Variants in RPH3A observed in about 807,000 individuals in gnomAD.
RPH3A encodes rabphilin-3A.
A neutral mutation model predicts 102.2 loss-of-function variants in RPH3A; 48 were observed. That is an observed-to-expected ratio of 0.47 (90% CI 0.37 to 0.60). RPH3A has a LOEUF of 0.60. Among genes scored for constraint, RPH3A ranks in the 20% least tolerant of loss-of-function variants. The pLI is 0.00. For missense variants in RPH3A, 781 were observed against 910.1 expected (o/e 0.86, Z 1.83); for synonymous variants, 310 against 324.3 (o/e 0.96, Z 0.47).
intron 1 of RPH3A, among the ~76,000 whole-genome samples, chr12:112,706,262 C>G (rs2040426075): frequency 6.6e-6 from 1 of 152,122 alleles, no homozygotes; most frequent in Admixed American, 6.6e-5. Context: ...AGGAAAGGCC[C>G]TCAACCAATG....
intron 1 of RPH3A, among the ~76,000 whole-genome samples, chr12:112,760,172 C>A (rs1212699945): frequency 6.6e-6 from 1 of 152,188 alleles, no homozygotes; most frequent in Non-Finnish European, 1.5e-5. Context: ...TACCTCCCCA[C>A]TGACCACCAT....
At chr12:112,580,171 T>A (rs1176213399) in intron 1 of RPH3A, among the ~76,000 whole-genome samples, 1 of 151,988 alleles carries the variant, frequency 6.6e-6, no homozygotes, top group Non-Finnish European at 1.5e-5. Flanking sequence ...TTTGCCTCTT[T>A]GTCTCTGTCT....
chr12:112,890,610 CAG>C (rs1350509849), intron 18 of RPH3A, among the ~76,000 whole-genome samples: 4 of 152,208 alleles, frequency 2.6e-5, no homozygotes, highest in African/African-American at 7.2e-5. Flanking sequence ...TGCTCACAGT[CAG>C]AGTCTGTTTA....
At chr12:112,735,709 G>T (rs904791689) in intron 1 of RPH3A, among the ~76,000 whole-genome samples, 1 of 152,142 alleles carries the variant, frequency 6.6e-6, no homozygotes, top group African/African-American at 2.4e-5. Flanking sequence ...AGATGGTGTG[G>T]AGCAGCCTGG....
At chr12:112,607,319 A>G (rs1424167540) in intron 1 of RPH3A, among the ~76,000 whole-genome samples, 2 of 152,246 alleles carry the variant, frequency 1.3e-5, no homozygotes, top group Non-Finnish European at 2.9e-5. Context: ...TATTCATAGT[A>G]TCCTACTTGT....
intron 16 of RPH3A, among the ~76,000 whole-genome samples, chr12:112,885,936 A>G (rs776668818): frequency 2.0e-5 from 3 of 152,148 alleles, no homozygotes; most frequent in Non-Finnish European, 4.4e-5. Context: ...GTAAATTCCT[A>G]TAAGTGGTGC....
intron 1 of RPH3A, among the ~76,000 whole-genome samples, chr12:112,765,246 T>TTGTGTGTGTG (rs34294777): frequency 2.3e-4 from 33 of 141,760 alleles, no homozygotes; most frequent in African/African-American, 7.1e-4. Context: ...GTCATGGTGA[T>TTGTGTGTGTG]TGTGTGTGTG....
intron 1 of RPH3A, among the ~76,000 whole-genome samples, chr12:112,583,857 A>G (rs1207471979): frequency 1.3e-5 from 2 of 152,128 alleles, no homozygotes; most frequent in Admixed American, 1.3e-4. Context: ...GTTGTGGCAG[A>G]TGCCTGTAGT....
intron 1 of RPH3A, among the ~76,000 whole-genome samples, chr12:112,719,675 G>GGTTGAGCT (rs11281664): frequency 6.6e-6 from 1 of 151,756 alleles, no homozygotes; most frequent in Non-Finnish European, 1.5e-5. Context: ...CTTTGGGATA[G>GGTTGAGCT]GCATACAAGA....
intron 1 of RPH3A, among the ~76,000 whole-genome samples, chr12:112,693,083 G>GA (rs2040319673): frequency 6.6e-6 from 1 of 152,170 alleles, no homozygotes; most frequent in African/African-American, 2.4e-5. Context: ...GGCTCATTCA[G>GA]AAAAAATAGA....
chr12:112,643,998 T>C (rs1204623650), intron 1 of RPH3A, among the ~76,000 whole-genome samples: 3 of 152,172 alleles, frequency 2.0e-5, no homozygotes, highest in Non-Finnish European at 4.4e-5. Flanking sequence ...TCTGCAGCAA[T>C]GTGGATGGAA....
intron 1 of RPH3A, among the ~76,000 whole-genome samples, chr12:112,612,139 T>C (rs888829699): frequency 4.9e-4 from 75 of 152,220 alleles, no homozygotes; most frequent in African/African-American, 1.8e-3. Context: ...GTCTATTGAA[T>C]AACTCAGCCC....
At chr12:112,839,083 C>G (rs918922253) in intron 4 of RPH3A, among the ~76,000 whole-genome samples, 1 of 114,670 alleles carries the variant, frequency 8.7e-6, no homozygotes, top group African/African-American at 3.7e-5. Context: ...GGAAAATGAG[C>G]AGGTTACCAC....
chr12:112,896,110 A>G (rs1290019517), intron 21 of RPH3A, among the ~76,000 whole-genome samples: 2 of 152,270 alleles, frequency 1.3e-5, no homozygotes, highest in Non-Finnish European at 2.9e-5. Flanking sequence ...GGGTAATTAA[A>G]TCACAGGAGA....
At chr12:112,693,339 A>G (rs1250776307) in intron 1 of RPH3A, among the ~76,000 whole-genome samples, 1 of 152,126 alleles carries the variant, frequency 6.6e-6, no homozygotes, top group Non-Finnish European at 1.5e-5. Flanking sequence ...GTCACCTTTG[A>G]CTCAGACTTC....
chr12:112,667,293 G>A (rs893220741), intron 1 of RPH3A, among the ~76,000 whole-genome samples: 17 of 152,046 alleles, frequency 1.1e-4, no homozygotes, highest in African/African-American at 3.6e-4. Flanking sequence ...ATATACCTAG[G>A]AATTATATAT....
chr12:112,669,307 TA>T (rs1216685167), intron 1 of RPH3A, among the ~76,000 whole-genome samples: 2 of 152,214 alleles, frequency 1.3e-5, no homozygotes, highest in Non-Finnish European at 2.9e-5. Context: ...TTCCATGTTG[TA>T]AACTTGTATC....
intron 1 of RPH3A, among the ~76,000 whole-genome samples, chr12:112,638,776 T>A (rs1452392533): frequency 6.6e-6 from 1 of 152,192 alleles, no homozygotes; most frequent in Admixed American, 6.5e-5. Flanking sequence ...CAATCATCTC[T>A]TCAAGTATCC....
At chr12:112,758,988 A>G (rs2040837565) in intron 1 of RPH3A, among the ~76,000 whole-genome samples, 1 of 152,244 alleles carries the variant, frequency 6.6e-6, no homozygotes, top group African/African-American at 2.4e-5. Flanking sequence ...CAGAGATCCT[A>G]GAGGGTTTTC....
Sources: gnomAD v4.1 joint callset for allele counts (sites outside exome capture counted in the v4.1 genomes callset) on GRCh38, gnomAD v4.1.1 for gene constraint, MANE v1.5 for transcripts, NCBI Gene and HGNC (gene_info 2026-07-23, HGNC 2026-07-21) for gene names.